Variants in GRK5 observed in about 807,000 individuals in gnomAD.
GRK5 encodes g protein-coupled receptor kinase GRK5.
GRK5 carries 40 observed loss-of-function variants against 78.4 expected under a neutral mutation model. The observed-to-expected ratio is 0.51, with a 90% CI of 0.40 to 0.66. The LOEUF (loss-of-function observed/expected upper bound fraction) is 0.66. Ranked by LOEUF, GRK5 falls within the 30% of genes least tolerant of loss-of-function variation. GRK5 has a pLI of 0.00. For synonymous variants in GRK5, 289 were observed against 296.8 expected (o/e 0.97, Z 0.27); for missense variants, 598 against 759.9 (o/e 0.79, Z 2.50).
At chr10:119,352,591 A>T (rs1851201981) in intron 2 of GRK5, among the ~76,000 whole-genome samples, 1 of 148,258 alleles carries the variant, frequency 6.7e-6, no homozygotes, top group South Asian at 2.1e-4. Context: ...TTGCCTCTGG[A>T]GTGGCCCCAA....
At chr10:119,414,248 G>A (rs143340250) in intron 4 of GRK5, among the ~76,000 whole-genome samples, 39 of 152,372 alleles carry the variant, frequency 2.6e-4, no homozygotes, top group African/African-American at 7.9e-4. Context: ...AAGTGCTTGC[G>A]TCTGGAGATA....
At chr10:119,312,224 T>C (rs1158500003) in intron 1 of GRK5, among the ~76,000 whole-genome samples, 1 of 152,230 alleles carries the variant, frequency 6.6e-6, no homozygotes, top group Non-Finnish European at 1.5e-5. Flanking sequence ...CCTAAATTAT[T>C]CACTTTAAAA....
At chr10:119,428,592 CAAGTCCTTGGGCCTTGGTCCA>C (rs1388727143) in intron 6 of GRK5, among the ~76,000 whole-genome samples, 1 of 152,158 alleles carries the variant, frequency 6.6e-6, no homozygotes, top group Non-Finnish European at 1.5e-5. Context: ...GGCCCCCTCC[CAAGTCCTTGGGCCTTGGTCCA>C]CCCAGCACTC....
rs931938453 is a variant in GRK5, at chr10:119,217,744, C to A, written c.52+9775C>A. On this transcript the variant is annotated intron_variant, in intron 1 of 15. Transcript: ENST00000392870. The surrounding 1 kb of genome is among the most constrained non-coding windows in gnomAD (Gnocchi z 4.1). ...GGCATGCCAGTTCCTGCTGGCTCAC[C>A]ACACATAGCTCCCATCTGCCCTGCA... Among the ~76,000 whole-genome samples, 113 of 152,176 alleles carry A rather than the reference C, an allele frequency of 7.4e-4. No individual in the cohort carries two copies. The highest frequency in any genetic ancestry group is 2.6e-3 in the African/African-American group (108 of 41,436).
rs569359092 is a variant in GRK5, at chr10:119,348,532, A to T, written c.148+21921A>T. Among the ~76,000 whole-genome samples the T allele has an allele frequency of 3.9e-5, 6 of 152,286 alleles. No homozygotes were observed. In the South Asian group the frequency reaches 1.0e-3, roughly 26 times the overall value. ...GGCACCTGCCCTGTAGACCTTGAGG[A>T]ATGAGAACAGAATGGGTTCTGGTGG... On this transcript the variant is annotated intron_variant, in intron 2 of 15. Coordinates refer to ENST00000392870, the MANE Select transcript of GRK5 (RefSeq NM_005308.3).
intron 4 of GRK5, among the ~76,000 whole-genome samples, chr10:119,420,004 G>A (rs1248096880): frequency 1.3e-5 from 2 of 152,106 alleles, no homozygotes; most frequent in African/African-American, 2.4e-5. Context: ...GGCACAGGTG[G>A]CCCAGACAGC....
rs1212811586 is a variant in GRK5, at chr10:119,238,646, A to G, written c.52+30677A>G. ...GTTGACCTGAGCTTCAGTGCCAGAG[A>G]GTCGAGCAAAGAGAATATCACTTTT... On this transcript the variant is annotated intron_variant, in intron 1 of 15. Coordinates refer to ENST00000392870, the MANE Select transcript of GRK5 (RefSeq NM_005308.3). This position sits in a 1 kb window ranked among gnomAD's most constrained non-coding sequence, Gnocchi z 4.7. Among the ~76,000 whole-genome samples, 1 of 152,190 alleles carries G rather than the reference A, an allele frequency of 6.6e-6. No individual in the cohort carries two copies. Among genetic ancestry groups the G allele is most frequent in the Non-Finnish European group, 1.5e-5 (1 of 68,048 alleles).
At chr10:119,349,881 G>T (rs1851163775) in intron 2 of GRK5, among the ~76,000 whole-genome samples, 1 of 152,224 alleles carries the variant, frequency 6.6e-6, no homozygotes, top group African/African-American at 2.4e-5. Context: ...CATGGCTATT[G>T]CTGCGAGTGT....
chr10:119,356,962 A>G (rs1204840010), intron 2 of GRK5, among the ~76,000 whole-genome samples: 3 of 152,342 alleles, frequency 2.0e-5, no homozygotes, highest in South Asian at 2.1e-4. Context: ...TGCTACCTCT[A>G]TGGCATTGTC....
intron 2 of GRK5, among the ~76,000 whole-genome samples, chr10:119,358,182 G>A (rs990222455): frequency 1.3e-5 from 2 of 152,192 alleles, no homozygotes; most frequent in Non-Finnish European, 2.9e-5. Context: ...CTGAGCCACA[G>A]GTAGGTGAGG....
chr10:119,404,771 G>A (rs1411148862), intron 4 of GRK5, among the ~76,000 whole-genome samples: 1 of 152,194 alleles, frequency 6.6e-6, no homozygotes, highest in Non-Finnish European at 1.5e-5. Context: ...TTATCCCCTG[G>A]TTGACATGAC....
chr10:119,313,645 C>G (rs543336657), intron 1 of GRK5, among the ~76,000 whole-genome samples: 13 of 152,084 alleles, frequency 8.5e-5, no homozygotes, highest in African/African-American at 3.1e-4. Context: ...GGGGAGGTAG[C>G]CTTTGTGGGG....
intron 1 of GRK5, among the ~76,000 whole-genome samples, chr10:119,258,312 G>T (rs1212268954): frequency 1.3e-5 from 2 of 152,184 alleles, no homozygotes; most frequent in African/African-American, 2.4e-5. Flanking sequence ...AGAGTTCAGG[G>T]TTTGTTTATT....
intron 1 of GRK5, among the ~76,000 whole-genome samples, chr10:119,298,074 G>A (rs1850113695): frequency 6.6e-6 from 1 of 152,130 alleles, no homozygotes; most frequent in South Asian, 2.1e-4. Context: ...TCAGCATTCT[G>A]GGGGAAGTGC....
At chr10:119,241,983 T>C (rs2133741363) in intron 1 of GRK5, among the ~76,000 whole-genome samples, 1 of 151,834 alleles carries the variant, frequency 6.6e-6, no homozygotes, top group Middle Eastern at 3.4e-3. Context: ...GGGGAGGAAA[T>C]GTATGGTAAA....
At chr10:119,242,297 C>G (rs1461702099) in intron 1 of GRK5, among the ~76,000 whole-genome samples, 3 of 151,802 alleles carry the variant, frequency 2.0e-5, no homozygotes, top group African/African-American at 7.3e-5. Flanking sequence ...GTGGGGAGCC[C>G]GATCTAGCTT....
At chr10:119,450,339 A>T (rs1486134518) in intron 13 of GRK5, among the ~76,000 whole-genome samples, 1 of 152,202 alleles carries the variant, frequency 6.6e-6, no homozygotes, top group Non-Finnish European at 1.5e-5. Context: ...AGCACACTCC[A>T]GGTCCCGTGC....
chr10:119,381,463 C>T (rs1034226479), intron 3 of GRK5, among the ~76,000 whole-genome samples: 15 of 152,244 alleles, frequency 9.9e-5, no homozygotes, highest in South Asian at 4.1e-4. Context: ...GCTGTCAAGC[C>T]GGTCTGACAC....
At chr10:119,387,300 G>A (rs1008385829) in intron 3 of GRK5, among the ~76,000 whole-genome samples, 2 of 152,142 alleles carry the variant, frequency 1.3e-5, no homozygotes, top group South Asian at 2.1e-4. Flanking sequence ...CACCGTGCCC[G>A]GCCTTCTGTG....
Sources: gnomAD v4.1 joint callset for allele counts (sites outside exome capture counted in the v4.1 genomes callset) on GRCh38, gnomAD v4.1.1 for gene constraint, Gnocchi (gnomAD v3.1) non-coding constraint, MANE v1.5 for transcripts, NCBI Gene and HGNC (gene_info 2026-07-23, HGNC 2026-07-21) for gene names.